Variants in LUZP2 observed in about 807,000 individuals in gnomAD.
The protein encoded by LUZP2 is leucine zipper protein 2.
LUZP2 carries 52 observed loss-of-function variants against 51.6 expected under a neutral mutation model. The ratio of observed to expected loss-of-function variants is 1.01; its 90% CI spans 0.81 to 1.27. The LOEUF is 1.27. LUZP2 is among the 50% of genes most tolerant of loss of function. The pLI is 0.00. For synonymous variants in LUZP2, 154 were observed against 137.3 expected, an observed-to-expected ratio of 1.12 and a Z score of -0.85; for missense variants, 436 against 395.4, an observed-to-expected ratio of 1.10 and a Z score of -0.87.
At chr11:24,601,448 A>G (rs1248904800) in intron 1 of LUZP2, among the ~76,000 whole-genome samples, 1 of 151,980 alleles carries the variant, frequency 6.6e-6, no homozygotes, top group Non-Finnish European at 1.5e-5. Context: ...ATGTAAAGAT[A>G]GAATAAAGAT....
At chr11:24,696,670 A>T (rs1857257108) in intron 1 of LUZP2, among the ~76,000 whole-genome samples, 1 of 152,106 alleles carries the variant, frequency 6.6e-6, no homozygotes, top group African/African-American at 2.4e-5. Flanking sequence ...ATAACTTTGG[A>T]ATTCAGTTGG....
At chr11:24,945,599 C>A (rs1159163980) in intron 7 of LUZP2, among the ~76,000 whole-genome samples, 1 of 151,568 alleles carries the variant, frequency 6.6e-6, no homozygotes, top group Non-Finnish European at 1.5e-5. Context: ...ATAGTTTCAA[C>A]CTCCTTAGTA....
chr11:24,509,836 G>A (rs960386624), intron 1 of LUZP2, among the ~76,000 whole-genome samples: 4 of 151,828 alleles, frequency 2.6e-5, no homozygotes, highest in Non-Finnish European at 5.9e-5. Context: ...CCTTTCTCTC[G>A]AAGGAGCATA....
Position 24,652,087 on chromosome 11 carries a change from ATGT to A in LUZP2, c.63-77078_63-77076del, listed in dbSNP as rs1379257791. 4.5e-5 allele frequency among the ~76,000 whole-genome samples: 6 copies of A among 132,636 alleles called. No individual in the cohort carries two copies. In the South Asian group the frequency reaches 8.0e-4, roughly 18 times the overall value. 87.0% of individuals were successfully genotyped at this position (132,636 alleles called of 152,430 possible). On this transcript the variant is annotated intron_variant, in intron 1 of 11. Transcript: ENST00000336930. ...ACACATGTTGTATATGTGTGTACAC[ATGT>A]TGTGCATGTGTGTATATGTGTTTGT...
At chr11:24,759,938 G>T (rs1001186604) in intron 4 of LUZP2, among the ~76,000 whole-genome samples, 1 of 152,070 alleles carries the variant, frequency 6.6e-6, no homozygotes, top group African/African-American at 2.4e-5. Context: ...TGGTGGTCGG[G>T]CTACAGCTTG....
intron 5 of LUZP2, among the ~76,000 whole-genome samples, chr11:24,796,583 A>T (rs1422094052): frequency 6.6e-6 from 1 of 150,936 alleles, no homozygotes; most frequent in Admixed American, 6.6e-5. Context: ...AAAAAAAAAA[A>T]GGAAAGTGAG....
At chr11:24,789,105 A>G (rs1298790179) in intron 5 of LUZP2, among the ~76,000 whole-genome samples, 3 of 152,314 alleles carry the variant, frequency 2.0e-5, no homozygotes, top group East Asian at 3.9e-4. Flanking sequence ...TTGGTGGTGT[A>G]CATTTCACCC....
chr11:24,795,259 A>T (rs1849516299), intron 5 of LUZP2, among the ~76,000 whole-genome samples: 1 of 151,880 alleles, frequency 6.6e-6, no homozygotes, highest in Admixed American at 6.6e-5. Flanking sequence ...CTTCAGAAAC[A>T]CTCTTTTTTC....
At chr11:25,037,548 T>C (rs1393471376) in intron 9 of LUZP2, among the ~76,000 whole-genome samples, 1 of 152,164 alleles carries the variant, frequency 6.6e-6, no homozygotes, top group Non-Finnish European at 1.5e-5. Context: ...AGTTGCTTTG[T>C]AGTGCCAGGG....
At chr11:24,635,906 T>G (rs2133935700) in intron 1 of LUZP2, among the ~76,000 whole-genome samples, 1 of 152,246 alleles carries the variant, frequency 6.6e-6, no homozygotes, top group South Asian at 2.1e-4. Context: ...AAGGTGACTC[T>G]GCGGAATAAC....
At chr11:24,840,432 G>GA (rs201760937) in intron 5 of LUZP2, among the ~76,000 whole-genome samples, 73 of 150,698 alleles carry the variant, frequency 4.8e-4, no homozygotes, top group African/African-American at 1.6e-3. Context: ...GCAAGGATTG[G>GA]AAAAAAAAAT....
intron 7 of LUZP2, among the ~76,000 whole-genome samples, chr11:24,960,688 A>C (rs1290280198): frequency 3.9e-5 from 6 of 152,060 alleles, no homozygotes; most frequent in Non-Finnish European, 8.8e-5. Flanking sequence ...TGAGCCTTTC[A>C]AAAAACCAGC....
chr11:24,546,606 C>T (rs1851552287), intron 1 of LUZP2, among the ~76,000 whole-genome samples: 1 of 152,070 alleles, frequency 6.6e-6, no homozygotes, highest in Admixed American at 6.6e-5. Flanking sequence ...ACCAACTTTG[C>T]ATCCCAGGGA....
rs550019968 is a variant in LUZP2 at position 24,961,509 on chromosome 11, C to T, written c.523-15082C>T. On this transcript the variant is annotated intron_variant, in intron 7 of 11. Coordinates refer to ENST00000336930, the MANE Select transcript of LUZP2 (RefSeq NM_001009909.4). ...CCCTTTACCATTATGTAATGGCCTT[C>T]TTTGTCTCTTTTGATCTTTGTTGGT... 7.4e-4 allele frequency among the ~76,000 whole-genome samples: 112 copies of T among 152,182 alleles called. 1 individual carries two copies. The highest frequency in any genetic ancestry group is 2.0e-3 in the African/African-American group (83 of 41,530).
chr11:24,876,917 G>A (rs949551865), intron 5 of LUZP2, among the ~76,000 whole-genome samples: 1 of 152,118 alleles, frequency 6.6e-6, no homozygotes, highest in Non-Finnish European at 1.5e-5. Flanking sequence ...CGCATCAAAT[G>A]AGAAGGGGTC....
In LUZP2 at chr11:25,044,619, A is replaced by T. The variant is rs142120671; in HGVS notation, c.766-5419A>T. On this transcript the variant is annotated intron_variant, in intron 9 of 11. Transcript: ENST00000336930. ...TAAAAGTAATTAATGGTGGGACTGT[A>T]AACTAGTTCAACCATTGTGGAAGTC... Among the ~76,000 whole-genome samples, 148 of 152,244 alleles carry T rather than the reference A, an allele frequency of 9.7e-4. 1 individual carries two copies. Among genetic ancestry groups the T allele is most frequent in the South Asian group, 1.9e-3 (9 of 4,824 alleles).
chr11:25,014,975 C>G (rs983812243), intron 9 of LUZP2, among the ~76,000 whole-genome samples: 2 of 152,102 alleles, frequency 1.3e-5, no homozygotes, highest in African/African-American at 4.8e-5. Flanking sequence ...ATATGGCTAG[C>G]CAGTTTCCCC....
intron 5 of LUZP2, among the ~76,000 whole-genome samples, chr11:24,896,668 G>T (rs966173390): frequency 6.6e-6 from 1 of 152,232 alleles, no homozygotes; most frequent in Non-Finnish European, 1.5e-5. Context: ...ACCGCCCAAG[G>T]GTTGAGGAGT....
At chr11:24,598,176 G>A (rs1481968020) in intron 1 of LUZP2, among the ~76,000 whole-genome samples, 1 of 151,528 alleles carries the variant, frequency 6.6e-6, no homozygotes, top group Non-Finnish European at 1.5e-5. Context: ...TTGTTGGATT[G>A]TGCCCTGTAG....
Sources: gnomAD v4.1 joint callset for allele counts (sites outside exome capture counted in the v4.1 genomes callset) on GRCh38, gnomAD v4.1.1 for gene constraint, MANE v1.5 for transcripts, NCBI Gene and HGNC (gene_info 2026-07-23, HGNC 2026-07-21) for gene names.